The following NME1 variants were observed in gnomAD, a reference collection of about 807,000 sequenced individuals.
NME1 encodes NME/NM23 nucleoside diphosphate kinase 1.
NME1 carries 9 observed loss-of-function variants against 17.2 expected under a neutral mutation model. The ratio of observed to expected loss-of-function variants is 0.52; its 90% CI spans 0.32 to 0.92. The LOEUF (loss-of-function observed/expected upper bound fraction) is 0.92, where lower values mean the gene tolerates loss of function less well. NME1 is among the 40% of genes least tolerant of loss of function. The pLI, the probability that NME1 is intolerant of heterozygous loss-of-function variation, is 0.04. For synonymous variants in NME1, 72 were observed against 70.8 expected (o/e 1.02, Z -0.09); for missense variants, 169 against 201.7 (o/e 0.84, Z 0.98).
rs564330069 is a variant in NME1 at position 51,153,607 on chromosome 17, G to C, written c.-60G>C. 3 of 152,730 alleles carry C rather than the reference G, an allele frequency of 2.0e-5. No homozygotes were observed. Among genetic ancestry groups the C allele is most frequent in the Admixed American group, 6.5e-5 (1 of 15,300 alleles). 9.5% of individuals were successfully genotyped at this position (152,730 alleles called of 1,614,324 possible). ...GTGCTGCGAACCACGTGGGTCCCGG[G>C]CGCGTTTCGGGTGCTGGCGGCTGCA... On this transcript the variant is annotated 5_prime_UTR_variant, in exon 1 of 5. Transcript: ENST00000393196.
At chr17:51,159,414 T>C (rs1338336029) in intron 2 of NME1, among the ~76,000 whole-genome samples, 2 of 152,078 alleles carry the variant, frequency 1.3e-5, no homozygotes, top group Non-Finnish European at 2.9e-5. Context: ...CTGGCCAACA[T>C]GGCGAAACCC....
intron 2 of NME1, chr17:51,156,011 G>A (rs1302811343): frequency 1.5e-5 from 7 of 459,774 alleles, no homozygotes; most frequent in East Asian, 5.2e-5. Flanking sequence ...GCATTGCTAC[G>A]GGAAAAGCAG....
At chr17:51,161,077 T>G in intron 3 of NME1, 83 bp from the exon 4 acceptor site, 3 of 1,395,326 alleles carry the variant, frequency 2.2e-6, no homozygotes, top group Non-Finnish European at 3.0e-6. Context: ...CCTTTTTATT[T>G]TTCCTTTTTT....
chr17:51,156,931 A>G (rs1450800641), intron 2 of NME1, among the ~76,000 whole-genome samples: 1 of 148,772 alleles, frequency 6.7e-6, no homozygotes, highest in Non-Finnish European at 1.5e-5. Context: ...TGAACCCAGG[A>G]GGCGGAGGTT....
intron 3 of NME1, chr17:51,160,720 C>T (rs2049852737): frequency 3.4e-6 from 1 of 293,498 alleles, no homozygotes; most frequent in African/African-American, 2.2e-5. Flanking sequence ...CGCCATTCTC[C>T]TGCCTTAGCC....
chr17:51,156,208 G>A (rs1348758506), intron 2 of NME1: 1 of 292,848 alleles, frequency 3.4e-6, no homozygotes, highest in South Asian at 3.2e-5. Context: ...AATGCTTATT[G>A]TTTAGCATAT....
rs1382643543 is a variant in NME1, at chr17:51,155,732, G to C, written c.78G>C (p.Lys26Asn). 6.2e-7 allele frequency: 1 copy of C among 1,614,144 alleles called. No individual in the cohort carries two copies. Among genetic ancestry groups the C allele is most frequent in the Admixed American group, 1.7e-5 (1 of 60,020 alleles). ...GGGGTCTTGTGGGAGAGATTATCAAGCGTTTTGAGCAGAAAGGATTCCGCC... is the reference window on the plus strand; with the variant it reads ...GGGGTCTTGTGGGAGAGATTATCAACCGTTTTGAGCAGAAAGGATTCCGCC... ...VQRGLVGEII[K>N]RFEQKGFRLV... Residue 26 changes from lysine (K) to asparagine (N), a missense_variant, in exon 2 of 5, where the codon AAG becomes AAC. By Grantham distance (94) the Lys-to-Asn change is moderately conservative. Transcript: ENST00000393196.
At chr17:51,157,960 C>G (rs543373965) in intron 2 of NME1, among the ~76,000 whole-genome samples, 1 of 152,224 alleles carries the variant, frequency 6.6e-6, no homozygotes, top group East Asian at 1.9e-4. Context: ...TTAAAAAAAG[C>G]CCGTGATCTG....
At chr17:51,160,296 G>T in intron 3 of NME1, 1 of 651,764 alleles carries the variant, frequency 1.5e-6, no homozygotes, top group East Asian at 2.9e-5. Context: ...ATCAAAGAAC[G>T]CAATTTTTAA....
chr17:51,160,703 G>A (rs938666415), intron 3 of NME1: 9 of 265,530 alleles, frequency 3.4e-5, no homozygotes, highest in South Asian at 1.3e-4. Flanking sequence ...TCCACCTCCC[G>A]GGTTCACGCC....
chr17:51,161,199 A>G lies in NME1; in HGVS notation c.268A>G (p.Met90Val), dbSNP rs2049859807. The change falls in exon 4 of 5, where the codon ATG (methionine) becomes GTG (valine). Residue 90 changes from methionine to valine, a missense_variant. Transcript: ENST00000393196. ...GLNVVKTGRV[M>V]LGETNPADSK... Reference sequence around the variant, plus strand: ...GAATGTGGTGAAGACGGGCCGAGTCATGCTCGGGGAGACCAACCCTGCAGA... The same window carrying G: ...GAATGTGGTGAAGACGGGCCGAGTCGTGCTCGGGGAGACCAACCCTGCAGA... 1 of 1,612,966 alleles carries G rather than the reference A, an allele frequency of 6.2e-7. No homozygotes were observed.
chr17:51,155,663 C>A lies in NME1; in HGVS notation c.9C>A (p.Asn3Lys). MANCERTFIAIKP... is the reference protein window; with the variant it reads MAKCERTFIAIKP... ...TGCCTATCCCCAGAACCATGGCCAA[C>A]TGTGAGCGTACCTTCATTGCGATCA... Residue 3 changes from asparagine to lysine, a missense_variant, in exon 2 of 5, where the codon AAC becomes AAA. By Grantham distance (94) the Asn-to-Lys change is moderately conservative (BLOSUM62 0). Transcript: ENST00000393196. The A allele has an allele frequency of 6.2e-7, 1 of 1,614,020 alleles. No homozygotes were observed. The highest frequency in any genetic ancestry group is 8.5e-7 in the Non-Finnish European group (1 of 1,179,916).
In NME1 at chr17:51,161,270, CA is replaced by C. The variant is rs1568122698; in HGVS notation, c.340del (p.Arg114GlyfsTer27). ...IRGDFCIQVG[R>X]NIIHGSDSVE... is the part of the protein sequence containing the mutation. ...GTGGAGACTTCTGCATACAAGTTGG[CA>C]GGTGAGATTTTGGTATTTTTCCCCC... is the stretch of plus-strand genomic sequence containing the variant. On this transcript the variant is annotated frameshift_variant and splice_region_variant, in exon 4 of 5. Transcript: ENST00000393196. LOFTEE classifies it high-confidence loss of function. The C allele has an allele frequency of 6.2e-7, 1 of 1,605,304 alleles. No individual in the cohort carries two copies. Among genetic ancestry groups the C allele is most frequent in the Admixed American group, 1.7e-5 (1 of 58,480 alleles).
intron 2 of NME1, chr17:51,156,537 A>G (rs1314791324): frequency 1.3e-5 from 2 of 152,902 alleles, no homozygotes; most frequent in Non-Finnish European, 2.9e-5. Context: ...AAATACAAAA[A>G]TTAGCTGGGC....
At chr17:51,160,932 C>T (rs553123498) in intron 3 of NME1, among the ~76,000 whole-genome samples, 1 of 152,174 alleles carries the variant, frequency 6.6e-6, no homozygotes, top group Admixed American at 6.5e-5. Context: ...TTTAAGGAGG[C>T]TGCTCTGGTT....
Position 51,161,954 on chromosome 17 carries a change from G to T in NME1, c.*109G>T. On this transcript the variant is annotated 3_prime_UTR_variant, in exon 5 of 5. Coordinates refer to ENST00000393196, the MANE Select transcript of NME1 (RefSeq NM_000269.3). ...TTTACAGGAACTTCATCATAATTTG[G>T]AGGGAAGCTCTTGGAGCTGTGAGTT... is the stretch of plus-strand genomic sequence containing the variant. The T allele has an allele frequency of 1.3e-6, 1 of 793,174 alleles. No individual in the cohort carries two copies. The allele number at this position is 793,174 out of a possible 1,614,324, so 49.1% of individuals were successfully genotyped here.
intron 1 of NME1, chr17:51,154,504 A>G (rs1232958832): frequency 7.2e-7 from 1 of 1,397,866 alleles, no homozygotes; most frequent in African/African-American, 1.4e-5. Context: ...GTTACTCTCT[A>G]GGCTTCCTTT....
At position 51,161,907 on chromosome 17, in the gene NME1, C is replaced by A; in HGVS notation, c.*62C>A. ...CCCCTCCTTCCCATGGGCAGAGGAC[C>A]AGGCTGTAGGAAATCTAGTTATTTA... On this transcript the variant is annotated 3_prime_UTR_variant, in exon 5 of 5. Coordinates refer to ENST00000393196, the MANE Select transcript of NME1 (RefSeq NM_000269.3). 1.9e-6 allele frequency: 2 copies of A among 1,066,228 alleles called. No individual in the cohort carries two copies. Among genetic ancestry groups the A allele is most frequent in the South Asian group, 1.3e-5 (1 of 79,704 alleles). 66.0% of individuals were successfully genotyped at this position (1,066,228 alleles called of 1,614,324 possible).
At chr17:51,157,061 A>T (rs182575837) in intron 2 of NME1, among the ~76,000 whole-genome samples, 2 of 152,204 alleles carry the variant, frequency 1.3e-5, no homozygotes, top group East Asian at 3.9e-4. Flanking sequence ...TGTTTTCTAA[A>T]AGGGAATCAA....
Sources: gnomAD v4.1 joint callset for allele counts (sites outside exome capture counted in the v4.1 genomes callset) on GRCh38, gnomAD v4.1.1 for gene constraint, MANE v1.5 for transcripts, NCBI Gene and HGNC (gene_info 2026-07-23, HGNC 2026-07-21) for gene names.